The following NCBP3 variants were observed in gnomAD, a reference collection of about 807,000 sequenced individuals.
NCBP3 encodes nuclear cap-binding protein subunit 3.
Under a neutral mutation model 75.7 loss-of-function variants are expected in NCBP3, and 20 were observed. That is an observed-to-expected ratio of 0.26 (90% CI 0.19 to 0.38). NCBP3 has a LOEUF of 0.38. Ranked by LOEUF, NCBP3 falls within the 10% of genes least tolerant of loss-of-function variation. The pLI, the probability that NCBP3 is intolerant of heterozygous loss-of-function variation, is 1.00. For synonymous variants in NCBP3, 293 were observed against 290.5 expected (o/e 1.01, Z -0.09); for missense variants, 678 against 796.9 (o/e 0.85, Z 1.80).
chr17:3,839,003 T>C lies in NCBP3; in HGVS notation c.355+1097A>G, dbSNP rs902387004. Among the ~76,000 whole-genome samples, 7 of 152,290 alleles carry C rather than the reference T, an allele frequency of 4.6e-5. No individual in the cohort carries two copies. The East Asian group carries it at 5.8e-4, about 13-fold the overall frequency. ...ATTCAGAAGGCTGCCTACTAAACCCTTTATGAACACCCAAATTTGCAAATA... is the reference window on the plus strand; with the variant it reads ...ATTCAGAAGGCTGCCTACTAAACCCCTTATGAACACCCAAATTTGCAAATA... On this transcript the variant is annotated intron_variant, in intron 3 of 12. Transcript: ENST00000389005.
At chr17:3,817,332 G>A (rs555654418) in intron 10 of NCBP3, among the ~76,000 whole-genome samples, 2 of 152,032 alleles carry the variant, frequency 1.3e-5, no homozygotes, top group Admixed American at 6.5e-5. Flanking sequence ...ACCCTTCTGG[G>A]ATTAAAACCC....
rs2053336461 is a variant in NCBP3 at position 3,806,346 on chromosome 17, T to C, written c.*6698A>G. The C allele has an allele frequency of 6.6e-6, 1 of 152,448 alleles. No homozygotes were observed. Among genetic ancestry groups the C allele is most frequent in the African/African-American group, 2.4e-5 (1 of 41,476 alleles). 9.4% of individuals were successfully genotyped at this position (152,448 alleles called of 1,614,324 possible). On this transcript the variant is annotated 3_prime_UTR_variant, in exon 13 of 13. Coordinates refer to ENST00000389005, the MANE Select transcript of NCBP3 (RefSeq NM_001114118.3). ...CACCCGCCTCGGCCTCCCAAAGTGC[T>C]GGGATTACAGGCGTGAGCCACCAAG...
intron 3 of NCBP3, among the ~76,000 whole-genome samples, chr17:3,837,703 C>T (rs1361243575): frequency 6.8e-6 from 1 of 147,088 alleles, no homozygotes; most frequent in African/African-American, 2.5e-5. Context: ...CACTGCACTC[C>T]AGCCTGGGTG....
intron 10 of NCBP3, among the ~76,000 whole-genome samples, chr17:3,817,566 T>A (rs535996266): frequency 1.3e-5 from 2 of 151,966 alleles, no homozygotes; most frequent in African/African-American, 4.8e-5. Flanking sequence ...GAGGCGGAGT[T>A]TGCAGTGAGC....
chr17:3,836,990 T>A (rs1157726232), intron 3 of NCBP3, among the ~76,000 whole-genome samples: 1 of 144,702 alleles, frequency 6.9e-6, no homozygotes, highest in African/African-American at 2.6e-5. Context: ...CTCTATTAAA[T>A]ACAAAAAATT....
intron 3 of NCBP3, among the ~76,000 whole-genome samples, chr17:3,838,872 T>C (rs563148744): frequency 3.3e-5 from 5 of 152,342 alleles, no homozygotes; most frequent in South Asian, 4.1e-4. Flanking sequence ...TCACAACAAA[T>C]AGCAGCTATT....
chr17:3,822,936 G>C (rs926035215), intron 7 of NCBP3: 4 of 152,212 alleles, frequency 2.6e-5, no homozygotes, highest in Non-Finnish European at 5.9e-5. Context: ...CATAAAGAAA[G>C]AAAGTGCTTA....
intron 1 of NCBP3, among the ~76,000 whole-genome samples, chr17:3,843,740 T>C (rs1249678688): frequency 6.6e-6 from 1 of 151,920 alleles, no homozygotes; most frequent in African/African-American, 2.4e-5. Context: ...AGAGACGAGG[T>C]TTCACCATGT....
intron 3 of NCBP3, among the ~76,000 whole-genome samples, chr17:3,835,098 G>T (rs962048588): frequency 1.3e-5 from 2 of 152,202 alleles, no homozygotes; most frequent in African/African-American, 2.4e-5. Flanking sequence ...AGAAGCTGAG[G>T]AGTAGAGCTA....
At chr17:3,835,046 C>G (rs1203345599) in intron 3 of NCBP3, among the ~76,000 whole-genome samples, 3 of 152,098 alleles carry the variant, frequency 2.0e-5, no homozygotes, top group Non-Finnish European at 4.4e-5. Flanking sequence ...TCACCAACCA[C>G]TGGATGAAGA....
intron 7 of NCBP3, among the ~76,000 whole-genome samples, chr17:3,823,533 G>A (rs4790543): frequency 0.42 from 63,826 of 151,860 alleles, 14,151 homozygotes; most frequent in East Asian, 0.61. Flanking sequence ...TGATGAGCAA[G>A]AGGCTATTTA....
intron 1 of NCBP3, among the ~76,000 whole-genome samples, chr17:3,845,506 G>A (rs911389686): frequency 1.3e-5 from 2 of 152,092 alleles, no homozygotes; most frequent in Admixed American, 6.6e-5. Context: ...TGGAGCTGCG[G>A]GGGGGGCAAG....
In NCBP3 at chr17:3,812,752, A is replaced by C; in HGVS notation, c.*292T>G. On this transcript the variant is annotated 3_prime_UTR_variant, in exon 13 of 13. Transcript: ENST00000389005. ...TAAAAGACACAATGTTAAAAATATT[A>C]AGAAAAATGTCTACAAAATCTGGAG... The C allele has an allele frequency of 8.2e-7, 1 of 1,222,966 alleles. No individual in the cohort carries two copies. Among genetic ancestry groups the C allele is most frequent in the Non-Finnish European group, 1.0e-6 (1 of 973,352 alleles). The allele number at this position is 1,222,966 out of a possible 1,614,324, so 75.8% of individuals were successfully genotyped here.
At chr17:3,824,813 G>A (rs370535520) in intron 7 of NCBP3, 129 bp downstream of exon 7, 35 of 465,504 alleles carry the variant, frequency 7.5e-5, no homozygotes, top group East Asian at 3.6e-4. Context: ...TTTCATAAGC[G>A]CAGAATATTA....
In NCBP3 at chr17:3,812,294, A is replaced by C. The variant is rs1316025939; in HGVS notation, c.*750T>G. ...GTTTTAAACATAATACAGACTTAAA[A>C]ATTCTTCAACATTGACCCATAATCC... is the stretch of plus-strand genomic sequence containing the variant. On this transcript the variant is annotated 3_prime_UTR_variant, in exon 13 of 13. Coordinates refer to ENST00000389005, the MANE Select transcript of NCBP3 (RefSeq NM_001114118.3). 1 of 154,332 alleles carries C rather than the reference A, an allele frequency of 6.5e-6. No homozygotes were observed. The highest frequency in any genetic ancestry group is 6.5e-5 in the Admixed American group (1 of 15,276). The allele number at this position is 154,332 out of a possible 1,614,324, so 9.6% of individuals were successfully genotyped here.
intron 11 of NCBP3, among the ~76,000 whole-genome samples, chr17:3,815,593 T>C (rs1245176953): frequency 2.6e-5 from 4 of 152,178 alleles, no homozygotes; most frequent in Non-Finnish European, 5.9e-5. Flanking sequence ...GCCCTCCTCA[T>C]CCATGGATTC....
rs2053421158 is a variant in NCBP3 at position 3,811,834 on chromosome 17, G to T, written c.*1210C>A. The T allele has an allele frequency of 6.6e-6, 1 of 152,196 alleles. No homozygotes were observed. Among genetic ancestry groups the T allele is most frequent in the Non-Finnish European group, 1.5e-5 (1 of 68,042 alleles). 9.4% of individuals were successfully genotyped at this position (152,196 alleles called of 1,614,324 possible). A position where few individuals can be genotyped will look rare whatever the true frequency, so the allele number is the denominator to read the frequency against. ...ATACTACAAAACAAAAATCAGACAG[G>T]AAGACGAAACAATCTACCTCCTCCT... On this transcript the variant is annotated 3_prime_UTR_variant, in exon 13 of 13. Coordinates refer to ENST00000389005, the MANE Select transcript of NCBP3 (RefSeq NM_001114118.3).
intron 3 of NCBP3, among the ~76,000 whole-genome samples, chr17:3,834,063 T>C (rs535424302): frequency 1.3e-5 from 2 of 152,320 alleles, no homozygotes; most frequent in South Asian, 4.1e-4. Flanking sequence ...CTGTTCACTA[T>C]TGCACTGCCG....
At chr17:3,823,810 A>G (rs956284973) in intron 7 of NCBP3, 5 of 152,204 alleles carry the variant, frequency 3.3e-5, no homozygotes, top group African/African-American at 1.2e-4. Flanking sequence ...AAGTGAATAA[A>G]GTGAACGTCC....
Sources: allele counts gnomAD v4.1 joint callset (sites outside exome capture counted in the v4.1 genomes callset), GRCh38; gene constraint gnomAD v4.1.1; transcripts MANE v1.5; gene names NCBI Gene and HGNC (gene_info 2026-07-23, HGNC 2026-07-21).